GALNT14: variants seen among roughly 807,000 people sequenced by gnomAD.
The protein encoded by GALNT14 is polypeptide N-acetylgalactosaminyltransferase 14.
Under a neutral mutation model 77.5 loss-of-function variants are expected in GALNT14, and 60 were observed. The observed-to-expected ratio is 0.77, with a 90% CI of 0.63 to 0.96. GALNT14 has a LOEUF of 0.96. GALNT14 is among the 40% of genes least tolerant of loss of function. GALNT14 has a pLI of 0.00. For missense variants in GALNT14, 710 were observed against 731.0 expected, an observed-to-expected ratio of 0.97 and a Z score of 0.33; for synonymous variants, 280 against 281.7, an observed-to-expected ratio of 0.99 and a Z score of 0.06.
At chr2:31,004,981 C>T (rs1477838383) in intron 1 of GALNT14, among the ~76,000 whole-genome samples, 1 of 152,202 alleles carries the variant, frequency 6.6e-6, no homozygotes, top group Non-Finnish European at 1.5e-5. Context: ...CTTGTAGGTG[C>T]CGCACAATAC....
At chr2:30,908,646 C>T (rs1332235970), downstream of GALNT14, among the ~76,000 whole-genome samples, 4 of 115,850 alleles carry the variant, frequency 3.5e-5, no homozygotes, top group Admixed American at 8.8e-5. Context: ...AGGTAATTTA[C>T]AGATTCAATG....
chr2:30,972,345 C>T, intron 2 of GALNT14, among the ~76,000 whole-genome samples: 1 of 152,208 alleles, frequency 6.6e-6, no homozygotes, highest in Non-Finnish European at 1.5e-5. Context: ...GGAAATCAAA[C>T]AGGCCTGGCG....
chr2:31,047,820 T>C (rs757927562), intron 1 of GALNT14, among the ~76,000 whole-genome samples: 5 of 152,202 alleles, frequency 3.3e-5, no homozygotes, highest in Admixed American at 3.3e-4. Flanking sequence ...ATGAGTTGTA[T>C]GCCTAAAGGG....
intron 1 of GALNT14, among the ~76,000 whole-genome samples, chr2:31,040,174 T>C (rs753749862): frequency 5.9e-5 from 9 of 152,206 alleles, no homozygotes. Context: ...CTTATTGAGA[T>C]ACATGACAGA....
intron 1 of GALNT14, among the ~76,000 whole-genome samples, chr2:31,080,682 G>A (rs1386998326): frequency 1.3e-5 from 2 of 152,192 alleles, no homozygotes; most frequent in African/African-American, 2.4e-5. Context: ...CAGGCTTTGT[G>A]ACCTGTGCAA....
At chr2:31,071,603 C>T (rs921801063) in intron 1 of GALNT14, among the ~76,000 whole-genome samples, 1 of 152,072 alleles carries the variant, frequency 6.6e-6, no homozygotes, top group Non-Finnish European at 1.5e-5. Context: ...CCCGGGCCTA[C>T]CTCTCCTGCC....
chr2:30,972,864 C>T (rs1386397514), intron 2 of GALNT14, among the ~76,000 whole-genome samples: 1 of 152,244 alleles, frequency 6.6e-6, no homozygotes, highest in Non-Finnish European at 1.5e-5. Flanking sequence ...CGCTGGTGGG[C>T]TGCCACGGGT....
chr2:31,059,752 TC>T (rs1040189145), intron 1 of GALNT14, among the ~76,000 whole-genome samples: 9 of 152,188 alleles, frequency 5.9e-5, no homozygotes, highest in African/African-American at 1.4e-4. Context: ...GAGAGGCCCC[TC>T]ACCCCTTCTG....
chr2:31,138,390 G>GGCCGCCGCC lies in GALNT14; in HGVS notation c.-305_-304insGGCGGCGGC, dbSNP rs1432871639. ...GAGATGTTCCCCACGCCGCCACCGC[G>GGCCGCCGCC]GCTGCCGCCGCCGCCGCCGCCGCCT... is the stretch of plus-strand genomic sequence containing the variant. On this transcript the variant is annotated 5_prime_UTR_variant, in exon 1 of 15. Coordinates refer to ENST00000349752, the MANE Select transcript of GALNT14 (RefSeq NM_024572.4). 1.5e-5 allele frequency: 5 copies of GGCCGCCGCC among 335,442 alleles called. No individual in the cohort carries two copies. The highest frequency in any genetic ancestry group is 6.9e-5 in the South Asian group (2 of 28,940). 20.8% of individuals were successfully genotyped at this position (335,442 alleles called of 1,614,324 possible).
rs1175047763 is a variant in GALNT14, at chr2:31,027,092, A to C, written c.130-34085T>G. On this transcript the variant is annotated intron_variant, in intron 1 of 14. Coordinates refer to ENST00000349752, the MANE Select transcript of GALNT14 (RefSeq NM_024572.4). ...CGCTGGTCCATCTGGCACTGTATCCAGGTATGATGAGAAACTAGGAAACAC... is the reference window on the plus strand; with the variant it reads ...CGCTGGTCCATCTGGCACTGTATCCCGGTATGATGAGAAACTAGGAAACAC... Among the ~76,000 whole-genome samples the C allele has an allele frequency of 2.6e-5, 4 of 152,250 alleles. No homozygotes were observed. In the East Asian group the frequency reaches 5.8e-4, roughly 22 times the overall value.
chr2:31,138,152 G>A lies in GALNT14; in HGVS notation c.-66C>T, dbSNP rs1679314769. ...GGGGCACCCCCCGGCGGTCAGGGTT[G>A]GCGGGGCAGGAGTCCTGGCGAGCGC... On this transcript the variant is annotated 5_prime_UTR_variant, in exon 1 of 15. Coordinates refer to ENST00000349752, the MANE Select transcript of GALNT14 (RefSeq NM_024572.4). The A allele has an allele frequency of 1.2e-6, 2 of 1,608,242 alleles. No homozygotes were observed.
chr2:31,135,739 A>G (rs1679201705), intron 1 of GALNT14, among the ~76,000 whole-genome samples: 1 of 152,166 alleles, frequency 6.6e-6, no homozygotes, highest in Non-Finnish European at 1.5e-5. Flanking sequence ...AGTACCACTC[A>G]TTTGTTGGTA....
intron 1 of GALNT14, among the ~76,000 whole-genome samples, chr2:31,034,329 C>T (rs1007957245): frequency 6.6e-6 from 1 of 152,212 alleles, no homozygotes; most frequent in Non-Finnish European, 1.5e-5. Flanking sequence ...GCATCTGGAA[C>T]ACTGCCACCA....
At chr2:31,043,194 C>T (rs1468157582) in intron 1 of GALNT14, among the ~76,000 whole-genome samples, 1 of 152,152 alleles carries the variant, frequency 6.6e-6, no homozygotes, top group Non-Finnish European at 1.5e-5. Context: ...AGTCCCTCAC[C>T]TCCTTAAGTA....
chr2:30,949,614 C>A (rs538296457), intron 6 of GALNT14, among the ~76,000 whole-genome samples: 1 of 152,304 alleles, frequency 6.6e-6, no homozygotes, highest in African/African-American at 2.4e-5. Flanking sequence ...ATGCATCAGC[C>A]CGTGGCCATC....
At chr2:31,114,914 T>C in intron 1 of GALNT14, 1 of 663,284 alleles carries the variant, frequency 1.5e-6, no homozygotes, top group Non-Finnish European at 2.8e-6. Flanking sequence ...ATGACTTCAG[T>C]CATACACCAT....
At chr2:31,086,765 G>A (rs184669031) in intron 1 of GALNT14, among the ~76,000 whole-genome samples, 16 of 152,148 alleles carry the variant, frequency 1.1e-4, no homozygotes, top group East Asian at 5.8e-4. Context: ...GGTGCACTAC[G>A]GACTCTTGGA....
chr2:30,942,571 A>G (rs1666443902), intron 8 of GALNT14, among the ~76,000 whole-genome samples: 2 of 152,196 alleles, frequency 1.3e-5, no homozygotes, highest in Non-Finnish European at 2.9e-5. Context: ...TTCACTCATT[A>G]GCATATCTCC....
chr2:30,992,191 A>G (rs1047871067), intron 2 of GALNT14, among the ~76,000 whole-genome samples: 2 of 152,158 alleles, frequency 1.3e-5, no homozygotes, highest in Non-Finnish European at 2.9e-5. Flanking sequence ...CGTGAGGCAG[A>G]AAGTCTTCAC....
Sources: allele counts gnomAD v4.1 joint callset (sites outside exome capture counted in the v4.1 genomes callset), GRCh38; gene constraint gnomAD v4.1.1; transcripts MANE v1.5; gene names NCBI Gene and HGNC (gene_info 2026-07-23, HGNC 2026-07-21).